The following TTC12 variants were observed in gnomAD, a reference collection of about 807,000 sequenced individuals.
The protein encoded by TTC12 is tetratricopeptide repeat domain 12, also known as tetratricopeptide repeat protein 12.
Under a neutral mutation model 90.1 loss-of-function variants are expected in TTC12, and 70 were observed. That is an observed-to-expected ratio of 0.78 (90% CI 0.64 to 0.95). The LOEUF (loss-of-function observed/expected upper bound fraction) is 0.95, where lower values mean the gene tolerates loss of function less well. TTC12 is among the 40% of genes least tolerant of loss of function. The pLI is 0.00. For missense variants in TTC12, 819 were observed against 846.1 expected (o/e 0.97, Z 0.40); for synonymous variants, 296 against 311.5 (o/e 0.95, Z 0.53).
At chr11:113,368,214 A>G (rs903378721), downstream of TTC12, 3 of 1,496,332 alleles carry the variant, frequency 2.0e-6, no homozygotes, top group African/African-American at 2.8e-5. Flanking sequence ...GTCATCTCCA[A>G]TTTGGAAGAG....
rs782569245 is a variant in TTC12, at chr11:113,339,307, T to TCAGGTAAAAGA, written c.659_660insCAGGTAAAAGA (p.Gln221ArgfsTer2). ...CTAGGTTACCTGAATCAAGTAGATCTTCAGGAAAAAGCAGACCTTCAAGAA... is the reference window on the plus strand; with the variant it reads ...CTAGGTTACCTGAATCAAGTAGATCTCAGGTAAAAGATCAGGAAAAAGCAGACCTTCAAGAA... On this transcript the variant is annotated stop_gained and frameshift_variant, in exon 10 of 22. Coordinates refer to ENST00000529221, the MANE Select transcript of TTC12 (RefSeq NM_017868.4). LOFTEE classifies it high-confidence loss of function. 4.4e-6 allele frequency: 7 copies of TCAGGTAAAAGA among 1,607,932 alleles called. No individual in the cohort carries two copies. In the South Asian group the frequency reaches 7.7e-5, roughly 18 times the overall value.
intron 7 of TTC12, among the ~76,000 whole-genome samples, chr11:113,331,770 G>A (rs1948081276): frequency 6.6e-6 from 1 of 152,230 alleles, no homozygotes; most frequent in Admixed American, 6.5e-5. Context: ...CCGAGGCCAA[G>A]CAGGCCCAAT....
intron 8 of TTC12, among the ~76,000 whole-genome samples, chr11:113,336,935 G>T (rs1555144250): frequency 1.3e-5 from 2 of 152,162 alleles, no homozygotes; most frequent in Non-Finnish European, 2.9e-5. Context: ...AATCAATTTG[G>T]CAAGTACTGC....
chr11:113,327,327 A>G (rs1947754065), intron 6 of TTC12, among the ~76,000 whole-genome samples: 1 of 152,166 alleles, frequency 6.6e-6, no homozygotes, highest in African/African-American at 2.4e-5. Context: ...ATAATGGACA[A>G]TGTGCTCCCT....
At chr11:113,365,090 C>A (rs751601071) in intron 21 of TTC12, 30 bp downstream of exon 21, 8 of 1,599,392 alleles carry the variant, frequency 5.0e-6, no homozygotes, top group South Asian at 2.2e-5. Context: ...CCAGGCTGAC[C>A]TATTGCAGAA....
intron 12 of TTC12, among the ~76,000 whole-genome samples, chr11:113,342,632 C>T (rs895040429): frequency 3.3e-5 from 5 of 152,168 alleles, no homozygotes; most frequent in African/African-American, 1.2e-4. Context: ...ATGCAGTTTG[C>T]ATACTCTGAG....
intron 11 of TTC12, 76 bp downstream of exon 11, chr11:113,340,809 C>T: frequency 7.9e-7 from 1 of 1,259,248 alleles, no homozygotes; most frequent in South Asian, 1.2e-5. Flanking sequence ...AGACACGAGG[C>T]ACATAGACAG....
intron 6 of TTC12, among the ~76,000 whole-genome samples, chr11:113,328,465 A>G (rs1273045622): frequency 6.6e-6 from 1 of 152,118 alleles, no homozygotes; most frequent in African/African-American, 2.4e-5. Context: ...ATTTTCCCCA[A>G]TTCTAGGGGA....
intron 7 of TTC12, among the ~76,000 whole-genome samples, chr11:113,331,798 A>T (rs1555142636): frequency 6.6e-6 from 1 of 152,234 alleles, no homozygotes; most frequent in East Asian, 1.9e-4. Context: ...ACATTAAAAA[A>T]CACTGACACT....
chr11:113,350,929 G>A (rs1949252046), intron 14 of TTC12, among the ~76,000 whole-genome samples: 1 of 152,224 alleles, frequency 6.6e-6, no homozygotes, highest in Non-Finnish European at 1.5e-5. Context: ...CACACACGCT[G>A]TAGACTCAGA....
In TTC12 at chr11:113,352,144, G is replaced by GAA. The variant is rs782488097; in HGVS notation, c.1383_1384insAA (p.Pro462AsnfsTer19). On this transcript the variant is annotated frameshift_variant, in exon 16 of 22. Transcript: ENST00000529221. LOFTEE classifies it high-confidence loss of function. ...CCATCATGGGAAACCTCAGTGCTGA[G>GAA]CCCACTACCCGAAGACACATGGCGG... is the stretch of plus-strand genomic sequence containing the variant. 6.2e-7 allele frequency: 1 copy of GAA among 1,614,262 alleles called. No individual in the cohort carries two copies. The highest frequency in any genetic ancestry group is 8.5e-7 in the Non-Finnish European group (1 of 1,180,048).
chr11:113,373,279 T>A (rs1185758481), exon 22 of TTC12: 2 of 939,112 alleles, frequency 2.1e-6, no homozygotes, highest in Non-Finnish European at 2.5e-6. Context: ...CATAACATAA[T>A]GACTTCATTG....
chr11:113,333,105 C>T (rs1333944768), intron 7 of TTC12, among the ~76,000 whole-genome samples: 3 of 152,126 alleles, frequency 2.0e-5, no homozygotes, highest in Non-Finnish European at 2.9e-5. Flanking sequence ...ATCATGTCTG[C>T]GTGCCACCTT....
chr11:113,368,668 T>C (rs1051177667), downstream of TTC12: 1 of 660,732 alleles, frequency 1.5e-6, no homozygotes, highest in Non-Finnish European at 2.7e-6. Flanking sequence ...AGGTTCAGAG[T>C]TGAGAGGAAA....
chr11:113,354,279 T>G (rs943173624), intron 16 of TTC12, among the ~76,000 whole-genome samples: 1 of 152,198 alleles, frequency 6.6e-6, no homozygotes, highest in African/African-American at 2.4e-5. Context: ...TGTTGGTGTA[T>G]AAGAATGCTA....
chr11:113,319,103 G>A (rs747867263), intron 2 of TTC12, among the ~76,000 whole-genome samples: 40 of 152,178 alleles, frequency 2.6e-4, no homozygotes, highest in Admixed American at 4.6e-4. Context: ...TCAGATAGAT[G>A]ATCAAGGTTA....
intron 2 of TTC12, among the ~76,000 whole-genome samples, chr11:113,317,284 G>A (rs1239628322): frequency 6.6e-6 from 1 of 151,916 alleles, no homozygotes; most frequent in Non-Finnish European, 1.5e-5. Context: ...CCAAAATTGA[G>A]GCATCATCTC....
At chr11:113,339,636 T>G in intron 10 of TTC12, 162 bp downstream of exon 10, 2 of 620,432 alleles carry the variant, frequency 3.2e-6, no homozygotes, top group Non-Finnish European at 5.4e-6. Context: ...AGAAATGTCC[T>G]CCGACTTCTG....
chr11:113,359,606 G>A (rs563284769), intron 17 of TTC12, 145 bp downstream of exon 17: 10 of 645,978 alleles, frequency 1.5e-5, no homozygotes, highest in African/African-American at 9.0e-5. Context: ...GGAGGGATGC[G>A]CTCTCCCTTT....
Sources: gnomAD v4.1 joint callset for allele counts (sites outside exome capture counted in the v4.1 genomes callset) on GRCh38, gnomAD v4.1.1 for gene constraint, MANE v1.5 for transcripts, NCBI Gene and HGNC (gene_info 2026-07-23, HGNC 2026-07-21) for gene names.